Variants in PIGN observed in about 807,000 individuals in gnomAD.
PIGN encodes phosphatidylinositol glycan anchor biosynthesis class N.
Under a neutral mutation model 125.4 loss-of-function variants are expected in PIGN, and 117 were observed. The observed-to-expected ratio is 0.93, with a 90% CI of 0.80 to 1.09. PIGN has a LOEUF of 1.09. Ranked by LOEUF, PIGN falls within the 50% of genes least tolerant of loss-of-function variation. The pLI, the probability that PIGN is intolerant of heterozygous loss-of-function variation, is 0.00. For synonymous variants in PIGN, 392 were observed against 377.8 expected (o/e 1.04, Z -0.44); for missense variants, 1,075 against 1,094.9 (o/e 0.98, Z 0.26).
chr18:62,027,909 TAAAAAAAG>T (rs1404962845), intron 23 of PIGN, among the ~76,000 whole-genome samples: 1 of 149,046 alleles, frequency 6.7e-6, no homozygotes, highest in East Asian at 2.0e-4. Context: ...CCTGTCTCAA[TAAAAAAAG>T]AAAAAAAGAA....
In PIGN at chr18:62,146,980, TCATTC is replaced by T. The variant is rs1403090108; in HGVS notation, c.791_795del (p.Gly264AspfsTer37). 1 of 1,611,876 alleles carries T rather than the reference TCATTC, an allele frequency of 6.2e-7. No individual in the cohort carries two copies. The highest frequency in any genetic ancestry group is 1.1e-5 in the South Asian group (1 of 91,020). The stretch of plus-strand genomic sequence containing the variant: ...TTAAAGACACACTAACCCCAGTCTG[TCATTC>T]CATGGTCAGAGGTAAAGATAAATGT... On this transcript the variant is annotated frameshift_variant, in exon 9 of 31. Transcript: ENST00000640252. LOFTEE classifies it high-confidence loss of function.
intron 8 of PIGN, among the ~76,000 whole-genome samples, chr18:62,147,645 C>T (rs938584475): frequency 2.6e-5 from 4 of 152,322 alleles, no homozygotes; most frequent in African/African-American, 9.6e-5. Context: ...ATAGGCTTTA[C>T]AGCCACTGTT....
chr18:62,042,238 T>C lies in PIGN; in HGVS notation c.*3618A>G, dbSNP rs1351336119. ...CAGGAGGCTGAGGCAGAAGAATCGC[T>C]TGAACCAGGGAGGCGGAGCTTGCAG... On this transcript the variant is annotated 3_prime_UTR_variant, in exon 31 of 31. Coordinates refer to ENST00000640252, the MANE Select transcript of PIGN (RefSeq NM_176787.5). 1 of 152,080 alleles carries C rather than the reference T, an allele frequency of 6.6e-6. No individual in the cohort carries two copies. Among genetic ancestry groups the C allele is most frequent in the East Asian group, 1.9e-4 (1 of 5,174 alleles). 9.4% of individuals were successfully genotyped at this position (152,080 alleles called of 1,614,324 possible).
At chr18:62,123,187 C>T (rs1201912471) in intron 14 of PIGN, among the ~76,000 whole-genome samples, 1 of 152,098 alleles carries the variant, frequency 6.6e-6, no homozygotes, top group Admixed American at 6.6e-5. Context: ...CTCCAGTGAG[C>T]CATGACTGGG....
At chr18:62,157,579 C>A in intron 5 of PIGN, 108 bp downstream of exon 5, 1 of 1,106,306 alleles carries the variant, frequency 9.0e-7, no homozygotes, top group Middle Eastern at 2.0e-4. Flanking sequence ...AACATTTGTC[C>A]AAAATATCTC....
chr18:62,050,102 G>T (rs1174474354), intron 30 of PIGN, among the ~76,000 whole-genome samples: 1 of 151,874 alleles, frequency 6.6e-6, no homozygotes, highest in Non-Finnish European at 1.5e-5. Context: ...GGTTACTGTA[G>T]CCTTGTAGTA....
chr18:62,107,001 C>A lies in PIGN; in HGVS notation c.1659G>T (p.Leu553=). 6.3e-7 allele frequency: 1 copy of A among 1,583,852 alleles called. No homozygotes were observed. Among genetic ancestry groups the A allele is most frequent in the Non-Finnish European group, 8.6e-7 (1 of 1,163,994 alleles). Residue 553 remains leucine (L), a synonymous_variant, in exon 18 of 31, where the codon CTG becomes CTT. Transcript: ENST00000640252. The stretch of plus-strand genomic sequence containing the variant: ...AGTTACTTACTAATACTTCAATTCC[C>A]AGGGTAAAGGCTAACAGGTACCCAA... ...HFVGYLLAFT[L]GIEVLVLSFF...
intron 20 of PIGN, among the ~76,000 whole-genome samples, chr18:62,104,389 A>C (rs1267016589): frequency 1.3e-5 from 2 of 152,188 alleles, no homozygotes; most frequent in Non-Finnish European, 2.9e-5. Flanking sequence ...AAAGGGAAGG[A>C]AAGGGGCTTT....
intron 23 of PIGN, among the ~76,000 whole-genome samples, chr18:62,092,038 G>A (rs1269917544): frequency 2.6e-5 from 4 of 151,956 alleles, no homozygotes; most frequent in African/African-American, 4.8e-5. Context: ...CACTTTAAAC[G>A]CTATTACAAA....
chr18:62,140,718 A>G (rs1465995834), intron 11 of PIGN, among the ~76,000 whole-genome samples: 2 of 152,194 alleles, frequency 1.3e-5, no homozygotes, highest in East Asian at 3.8e-4. Flanking sequence ...AAACATACTA[A>G]AACAAAAAAT....
In PIGN at chr18:62,167,188, G is replaced by GCTCT. The variant is rs148196927; in HGVS notation, c.-235-3536_-235-3533dup. Among the ~76,000 whole-genome samples the GCTCT allele has an allele frequency of 1.3e-3, 186 of 147,784 alleles. 1 individual carries two copies. In the East Asian group the frequency reaches 0.013, roughly 11 times the overall value. ...TTGTCTATTGACAGAGAGCAGGAGC[G>GCTCT]CTCTCTCTCTCTCTCTCTCTCTATG... On this transcript the variant is annotated intron_variant, in intron 1 of 30. Transcript: ENST00000640252.
rs576621607 is a variant in PIGN at position 62,074,692 on chromosome 18, C to T, written c.2619+87G>A. 53 of 782,860 alleles carry T rather than the reference C, an allele frequency of 6.8e-5. 1 individual carries two copies. Among genetic ancestry groups the T allele is most frequent in the African/African-American group, 6.0e-4 (34 of 56,650 alleles). 48.5% of individuals were successfully genotyped at this position (782,860 alleles called of 1,614,324 possible). On this transcript the variant is annotated intron_variant, in intron 29 of 30. Coordinates refer to ENST00000640252, the MANE Select transcript of PIGN (RefSeq NM_176787.5). ...TACAACTCAACATCTAAAGATTTCA[C>T]GTACCAAAATGCATTCATATTTCTC...
intron 14 of PIGN, among the ~76,000 whole-genome samples, chr18:62,125,816 G>A (rs950714375): frequency 1.3e-5 from 2 of 152,006 alleles, no homozygotes; most frequent in African/African-American, 4.8e-5. Flanking sequence ...AAAATGGGAT[G>A]TTAAAGTTAT....
chr18:62,184,483 C>G (rs1197421393), intron 1 of PIGN: 1 of 152,094 alleles, frequency 6.6e-6, no homozygotes, highest in Non-Finnish European at 1.5e-5. Context: ...TCACGAATAA[C>G]CAAACCTCTG....
chr18:62,057,301 ACTCCTC>A (rs61678983), intron 30 of PIGN, among the ~76,000 whole-genome samples: 25,599 of 151,160 alleles, frequency 0.17, 2,863 homozygotes, highest in Middle Eastern at 0.28. Context: ...CACCAAACTC[ACTCCTC>A]CTAGAGCTTT....
At chr18:62,050,225 A>T (rs1239068410) in intron 30 of PIGN, among the ~76,000 whole-genome samples, 1 of 152,170 alleles carries the variant, frequency 6.6e-6, no homozygotes, top group African/African-American at 2.4e-5. Flanking sequence ...AGTTTTTTCC[A>T]ATTCTGTGAA....
chr18:62,101,982 C>A (rs943084345), intron 21 of PIGN, among the ~76,000 whole-genome samples: 4 of 151,960 alleles, frequency 2.6e-5, no homozygotes, highest in African/African-American at 9.7e-5. Context: ...AATCCCAGGA[C>A]TTTGGGAGGC....
intron 14 of PIGN, among the ~76,000 whole-genome samples, chr18:62,131,388 A>G (rs951328861): frequency 6.6e-6 from 1 of 151,834 alleles, no homozygotes; most frequent in Non-Finnish European, 1.5e-5. Flanking sequence ...TTTTTCTTTT[A>G]AATTATTTCT....
chr18:62,020,728 T>G (rs968472212), intron 23 of PIGN, among the ~76,000 whole-genome samples: 9 of 150,582 alleles, frequency 6.0e-5, no homozygotes, highest in Non-Finnish European at 1.5e-5. Flanking sequence ...GGTGGGCAGA[T>G]CACGAGGTCA....
Sources: allele counts gnomAD v4.1 joint callset (sites outside exome capture counted in the v4.1 genomes callset), GRCh38; gene constraint gnomAD v4.1.1; transcripts MANE v1.5; gene names NCBI Gene and HGNC (gene_info 2026-07-23, HGNC 2026-07-21).